The following HCN1 variants were observed in gnomAD, a reference collection of about 807,000 sequenced individuals.
HCN1 encodes potassium/sodium hyperpolarization-activated cyclic nucleotide-gated channel 1.
HCN1 carries 13 observed loss-of-function variants against 78.9 expected under a neutral mutation model. That is an observed-to-expected ratio of 0.16 (90% CI 0.11 to 0.26). HCN1 has a LOEUF of 0.26. HCN1 is among the 10% of genes least tolerant of loss of function. HCN1 has a pLI of 1.00. For missense variants in HCN1, 810 were observed against 1,154.3 expected (o/e 0.70, Z 4.32); for synonymous variants, 552 against 455.5 (o/e 1.21, Z -2.70).
In HCN1 at chr5:45,424,245, A is replaced by T. The variant is rs1472959116; in HGVS notation, c.1012-27535T>A. Among the ~76,000 whole-genome samples the T allele has an allele frequency of 2.0e-5, 3 of 152,056 alleles. No homozygotes were observed. The East Asian group carries it at 5.8e-4, about 29-fold the overall frequency. On this transcript the variant is annotated intron_variant, in intron 3 of 7. Transcript: ENST00000303230. ...GAGTTGGAGCTTGCCTTGGGCAGAGATCGCACCACTGCATTCCAGCCTGGG... is the reference window on the plus strand; with the variant it reads ...GAGTTGGAGCTTGCCTTGGGCAGAGTTCGCACCACTGCATTCCAGCCTGGG...
intron 6 of HCN1, among the ~76,000 whole-genome samples, chr5:45,295,646 A>C (rs1170869044): frequency 6.6e-6 from 1 of 152,020 alleles, no homozygotes; most frequent in Non-Finnish European, 1.5e-5. Flanking sequence ...TCTTTAAATA[A>C]GTCTCCTTAG....
At chr5:45,487,048 A>G (rs2111689038) in intron 2 of HCN1, among the ~76,000 whole-genome samples, 1 of 152,174 alleles carries the variant, frequency 6.6e-6, no homozygotes, top group East Asian at 1.9e-4. Flanking sequence ...CATCCTCTTT[A>G]GCAGTAATTG....
intron 2 of HCN1, among the ~76,000 whole-genome samples, chr5:45,535,364 AAGGTG>A (rs1742943722): frequency 1.3e-5 from 2 of 152,160 alleles, no homozygotes; most frequent in Admixed American, 1.3e-4. Flanking sequence ...TTGGGAGGCC[AAGGTG>A]GGCGGATCAC....
At chr5:45,372,066 T>TATATATATAATATAATTATAC (rs1747389852) in intron 4 of HCN1, among the ~76,000 whole-genome samples, 5 of 45,900 alleles carry the variant, frequency 1.1e-4, no homozygotes, top group East Asian at 1.1e-3. Flanking sequence ...ATAATTATAT[T>TATATATATAATATAATTATAC]ATATATTATA....
At chr5:45,282,743 A>G (rs1215387473) in intron 6 of HCN1, among the ~76,000 whole-genome samples, 1 of 152,224 alleles carries the variant, frequency 6.6e-6, no homozygotes, top group Non-Finnish European at 1.5e-5. Context: ...TATACCCCGT[A>G]GGACTAACTA....
intron 2 of HCN1, among the ~76,000 whole-genome samples, chr5:45,492,647 C>T (rs1403324358): frequency 6.7e-6 from 1 of 150,076 alleles, no homozygotes; most frequent in Non-Finnish European, 1.5e-5. Context: ...GCTACAGGCT[C>T]GCCCCATCAA....
intron 6 of HCN1, among the ~76,000 whole-genome samples, chr5:45,288,255 T>C (rs1040988798): frequency 6.6e-6 from 1 of 152,084 alleles, no homozygotes; most frequent in African/African-American, 2.4e-5. Context: ...AAATCTCACC[T>C]ACCTCCATTT....
Position 45,262,314 on chromosome 5 carries a change from G to A in HCN1, c.2280C>T (p.Ser760=). 1 of 1,613,862 alleles carries A rather than the reference G, an allele frequency of 6.2e-7. No homozygotes were observed. Residue 760 remains serine, a synonymous_variant, in exon 8 of 8, where the codon AGC becomes AGT. Coordinates refer to ENST00000303230, the MANE Select transcript of HCN1 (RefSeq NM_021072.4). The part of the protein sequence containing the change: ...QPSPQPQTPG[S]STPKNEVHKS... ...TGTGCACTTCATTTTTCGGCGTGGAGCTGCCAGGTGTCTGTGGCTGCGGGG... is the reference window on the plus strand; with the variant it reads ...TGTGCACTTCATTTTTCGGCGTGGAACTGCCAGGTGTCTGTGGCTGCGGGG...
chr5:45,546,852 G>T (rs995675906), intron 2 of HCN1, among the ~76,000 whole-genome samples: 8 of 151,752 alleles, frequency 5.3e-5, no homozygotes, highest in Non-Finnish European at 7.4e-5. Context: ...GAAACAAGTT[G>T]TTTTCACGAG....
intron 6 of HCN1, among the ~76,000 whole-genome samples, chr5:45,301,969 C>T (rs1745632256): frequency 6.6e-6 from 1 of 151,778 alleles, no homozygotes; most frequent in Admixed American, 6.6e-5. Flanking sequence ...TTTACGAAGG[C>T]AAACAACAGA....
intron 2 of HCN1, among the ~76,000 whole-genome samples, chr5:45,492,294 G>T (rs1425048133): frequency 7.2e-6 from 1 of 139,444 alleles, no homozygotes; most frequent in Non-Finnish European, 1.6e-5. Flanking sequence ...AAAACTCTGT[G>T]TATGTGTGTG....
intron 1 of HCN1, among the ~76,000 whole-genome samples, chr5:45,687,271 A>T (rs1739827670): frequency 6.6e-6 from 1 of 152,156 alleles, no homozygotes; most frequent in Non-Finnish European, 1.5e-5. Context: ...GTATTCCATA[A>T]GTTCCTCAGA....
At chr5:45,624,030 G>A (rs1745118267) in intron 2 of HCN1, among the ~76,000 whole-genome samples, 2 of 152,290 alleles carry the variant, frequency 1.3e-5, no homozygotes, top group South Asian at 2.1e-4. Context: ...CAAGTTCCAC[G>A]TAGTGCAGGG....
At chr5:45,594,703 A>C (rs991541669) in intron 2 of HCN1, among the ~76,000 whole-genome samples, 5 of 152,196 alleles carry the variant, frequency 3.3e-5, no homozygotes, top group African/African-American at 1.2e-4. Context: ...CTAGTACAAT[A>C]TCCAGATTTT....
chr5:45,331,796 T>A (rs978328552), intron 5 of HCN1, among the ~76,000 whole-genome samples: 4 of 151,398 alleles, frequency 2.6e-5, no homozygotes, highest in Non-Finnish European at 5.9e-5. Context: ...ATCAATATCA[T>A]CATTATCATC....
At chr5:45,380,094 T>C (rs569631449) in intron 4 of HCN1, among the ~76,000 whole-genome samples, 4 of 152,054 alleles carry the variant, frequency 2.6e-5, no homozygotes, top group Non-Finnish European at 5.9e-5. Flanking sequence ...AGGGATACTT[T>C]ATAAAGAACA....
chr5:45,310,109 A>C (rs902430220), intron 5 of HCN1, among the ~76,000 whole-genome samples: 1 of 152,128 alleles, frequency 6.6e-6, no homozygotes, highest in African/African-American at 2.4e-5. Flanking sequence ...AACACGAGCA[A>C]AGATTTTATA....
At chr5:45,463,882 A>G (rs954212342) in intron 2 of HCN1, among the ~76,000 whole-genome samples, 1 of 152,098 alleles carries the variant, frequency 6.6e-6, no homozygotes, top group East Asian at 1.9e-4. Flanking sequence ...ATTGCAGAAT[A>G]TAAACTTCTG....
Position 45,255,290 on chromosome 5 carries a change from A to G in HCN1, c.*6631T>C, listed in dbSNP as rs1744584863. On this transcript the variant is annotated 3_prime_UTR_variant, in exon 8 of 8. Coordinates refer to ENST00000303230, the MANE Select transcript of HCN1 (RefSeq NM_021072.4). ...CCTTGTCTAGCCAAGATCCCATGCT[A>G]TGTTGACTTGTCATCTCCAGAAATG... 1 of 152,154 alleles carries G rather than the reference A, an allele frequency of 6.6e-6. No homozygotes were observed. Among genetic ancestry groups the G allele is most frequent in the Admixed American group, 6.5e-5 (1 of 15,276 alleles). The allele number at this position is 152,154 out of a possible 1,614,324, so 9.4% of individuals were successfully genotyped here.
Sources: allele counts gnomAD v4.1 joint callset (sites outside exome capture counted in the v4.1 genomes callset), GRCh38; gene constraint gnomAD v4.1.1; transcripts MANE v1.5; gene names NCBI Gene and HGNC (gene_info 2026-07-23, HGNC 2026-07-21).